Variants in MSH4 observed in about 807,000 individuals in gnomAD.
MSH4 encodes mutS homolog 4.
MSH4 carries 106 observed loss-of-function variants against 113.7 expected under a neutral mutation model. That is an observed-to-expected ratio of 0.93 (90% confidence interval 0.80 to 1.10). The LOEUF is 1.10. Among genes scored for constraint, MSH4 ranks in the 50% least tolerant of loss-of-function variants. MSH4 has a pLI of 0.00. For missense variants in MSH4, 1,061 were observed against 1,093.7 expected, an observed-to-expected ratio of 0.97 and a Z score of 0.42; for synonymous variants, 368 against 380.2, an observed-to-expected ratio of 0.97 and a Z score of 0.37.
At chr1:75,897,333 G>A (rs1318060919) in intron 17 of MSH4, among the ~76,000 whole-genome samples, 1 of 152,108 alleles carries the variant, frequency 6.6e-6, no homozygotes, top group African/African-American at 2.4e-5. Flanking sequence ...TAATGTTTGA[G>A]AGCCATTATC....
At chr1:75,833,484 C>T (rs78121893) in intron 7 of MSH4, among the ~76,000 whole-genome samples, 1 of 152,048 alleles carries the variant, frequency 6.6e-6, no homozygotes, top group Admixed American at 6.6e-5. Context: ...ACTGGACAAT[C>T]CTAAACCAAA....
At chr1:75,825,970 T>G (rs1046962977) in intron 7 of MSH4, among the ~76,000 whole-genome samples, 6 of 152,170 alleles carry the variant, frequency 3.9e-5, no homozygotes, top group Admixed American at 1.3e-4. Flanking sequence ...AGGATGATAC[T>G]GCCCTCATAA....
chr1:75,877,263 C>T (rs2100569424), intron 10 of MSH4, among the ~76,000 whole-genome samples: 1 of 152,086 alleles, frequency 6.6e-6, no homozygotes, highest in South Asian at 2.1e-4. Flanking sequence ...TTAATATTTC[C>T]TTTTAAAGCC....
At chr1:75,848,793 A>G (rs1219241668) in intron 8 of MSH4, among the ~76,000 whole-genome samples, 1 of 152,176 alleles carries the variant, frequency 6.6e-6, no homozygotes, top group Non-Finnish European at 1.5e-5. Context: ...CACTGATCAA[A>G]TATTAAGGAG....
intron 8 of MSH4, among the ~76,000 whole-genome samples, chr1:75,856,812 A>T (rs1420739990): frequency 1.3e-5 from 2 of 152,186 alleles, no homozygotes; most frequent in Admixed American, 1.3e-4. Context: ...CAGTAATGGG[A>T]TTGCTGGGTC....
intron 8 of MSH4, among the ~76,000 whole-genome samples, chr1:75,853,246 G>A (rs1017921266): frequency 1.8e-4 from 27 of 151,986 alleles, no homozygotes; most frequent in Non-Finnish European, 5.9e-5. Flanking sequence ...TGTATTTTTA[G>A]TAGAAACGGG....
intron 17 of MSH4, among the ~76,000 whole-genome samples, chr1:75,892,898 A>T (rs1053500724): frequency 5.3e-5 from 8 of 152,176 alleles, no homozygotes; most frequent in Admixed American, 1.3e-4. Flanking sequence ...GCCTCAACTT[A>T]GATGGGAAAA....
chr1:75,809,180 C>G (rs1274785073), intron 3 of MSH4, among the ~76,000 whole-genome samples: 1 of 152,036 alleles, frequency 6.6e-6, no homozygotes, highest in African/African-American at 2.4e-5. Flanking sequence ...CTCGGGTTCC[C>G]AAAGTGCTAG....
chr1:75,866,569 A>G (rs1288618819), intron 8 of MSH4, among the ~76,000 whole-genome samples: 1 of 152,228 alleles, frequency 6.6e-6, no homozygotes, highest in Non-Finnish European at 1.5e-5. Flanking sequence ...GTAAGAGAAC[A>G]TGACATAACC....
Position 75,880,133 on chromosome 1 carries a change from A to T in MSH4, c.1761A>T (p.Glu587Asp). 1 of 1,565,760 alleles carries T rather than the reference A, an allele frequency of 6.4e-7. No homozygotes were observed. The highest frequency in any genetic ancestry group is 8.8e-7 in the Non-Finnish European group (1 of 1,141,276). ...MNERCQESLR[E>D]IYHMTYMIVC... ...AAAGATGCCAAGAATCTTTGAGAGA[A>T]ATCTATCACATGACTTATATGTAAG... is the stretch of plus-strand genomic sequence containing the variant. The change falls in exon 13 of 20, where the codon GAA (glutamate) becomes GAT (aspartate). Residue 587 changes from glutamate to aspartate, a missense_variant. Physicochemically the swap from Glu to Asp is conservative, Grantham distance 45. Transcript: ENST00000263187.
chr1:75,897,804 C>G lies in MSH4; in HGVS notation c.2356-103C>G, dbSNP rs1042573034. 4 of 626,152 alleles carry G rather than the reference C, an allele frequency of 6.4e-6. No individual in the cohort carries two copies. In the African/African-American group the frequency reaches 7.6e-5, roughly 12 times the overall value. 38.8% of individuals were successfully genotyped at this position (626,152 alleles called of 1,614,324 possible). On this transcript the variant is annotated intron_variant, in intron 17 of 19. Transcript: ENST00000263187. ...GTTTTATTCCTACATCTCTGCCAAG[C>G]TACTTAGAAAATTAAACTAAAATTT... is the stretch of plus-strand genomic sequence containing the variant.
intron 19 of MSH4, among the ~76,000 whole-genome samples, chr1:75,910,045 CT>C (rs1234918598): frequency 4.6e-5 from 7 of 152,022 alleles, no homozygotes; most frequent in Non-Finnish European, 1.0e-4. Context: ...CAGGCTTTTC[CT>C]TTTTCTAAGA....
intron 1 of MSH4, among the ~76,000 whole-genome samples, chr1:75,798,723 T>TTTAAAAAA (rs1189789833): frequency 6.6e-6 from 1 of 151,972 alleles, no homozygotes; most frequent in Non-Finnish European, 1.5e-5. Context: ...AGATGGCTAA[T>TTTAAAAAA]TTAAAAAATT....
intron 19 of MSH4, among the ~76,000 whole-genome samples, chr1:75,907,686 A>C (rs200027471): frequency 0.31 from 7,820 of 25,228 alleles, 470 homozygotes; most frequent in Admixed American, 0.35. Flanking sequence ...CTCTCTCTCT[A>C]TACATATATA....
chr1:75,822,309 A>G (rs61770517), intron 6 of MSH4, 100 bp from the exon 7 acceptor site: 2 of 725,972 alleles, frequency 2.8e-6, no homozygotes, highest in Admixed American at 3.4e-5. Flanking sequence ...AAAAAAAAGA[A>G]TCATTGCTGT....
chr1:75,885,746 A>G, intron 15 of MSH4, among the ~76,000 whole-genome samples: 1 of 110,516 alleles, frequency 9.0e-6, no homozygotes, highest in East Asian at 2.4e-4. Context: ...TATAGTATAT[A>G]TAATGTATTA....
intron 8 of MSH4, among the ~76,000 whole-genome samples, chr1:75,849,997 A>C (rs910551924): frequency 1.3e-5 from 2 of 152,144 alleles, no homozygotes; most frequent in African/African-American, 4.8e-5. Flanking sequence ...TCCTCCTTAT[A>C]TCTGTAAAAT....
chr1:75,877,280 C>T (rs1477388459), intron 10 of MSH4, among the ~76,000 whole-genome samples: 1 of 152,022 alleles, frequency 6.6e-6, no homozygotes, highest in Middle Eastern at 3.2e-3. Context: ...AGCCATTCTC[C>T]ATGGAAAGAC....
In MSH4 at chr1:75,883,891, T is replaced by A. The variant is rs941625942; in HGVS notation, c.2107+70T>A. 16 of 1,315,590 alleles carry A rather than the reference T, an allele frequency of 1.2e-5. No homozygotes were observed. In the African/African-American group the frequency reaches 1.8e-4, roughly 15 times the overall value. 81.5% of individuals were successfully genotyped at this position (1,315,590 alleles called of 1,614,324 possible). A position where few individuals can be genotyped will look rare whatever the true frequency, so the allele number is the denominator to read the frequency against. On this transcript the variant is annotated intron_variant, in intron 15 of 19. Coordinates refer to ENST00000263187, the MANE Select transcript of MSH4 (RefSeq NM_002440.4). ...CAGAATGCTTTGTGCCTAATTTTTT[T>A]AGGGCCATGTGCCTAATTAACCCAA...
Sources: allele counts gnomAD v4.1 joint callset (sites outside exome capture counted in the v4.1 genomes callset), GRCh38; gene constraint gnomAD v4.1.1; transcripts MANE v1.5; gene names NCBI Gene and HGNC (gene_info 2026-07-23, HGNC 2026-07-21).